FREM1: variants seen among roughly 807,000 people sequenced by gnomAD.
FREM1 encodes FRAS1-related extracellular matrix protein 1.
In FREM1, 220 loss-of-function variants were observed where a neutral mutation model predicts 210.1. The ratio of observed to expected loss-of-function variants is 1.05; its 90% CI spans 0.94 to 1.17. The LOEUF is 1.17. Among genes scored for constraint, FREM1 ranks in the 50% most tolerant of loss-of-function variants. The pLI, the probability that FREM1 is intolerant of heterozygous loss-of-function variation, is 0.00. For synonymous variants in FREM1, 1,189 were observed against 980.2 expected (o/e 1.21, Z -3.98); for missense variants, 3,454 against 2,675.5 (o/e 1.29, Z -6.42).
intron 27 of FREM1, among the ~76,000 whole-genome samples, chr9:14,765,480 T>A (rs1488401451): frequency 6.6e-6 from 1 of 152,208 alleles, no homozygotes; most frequent in Non-Finnish European, 1.5e-5. Flanking sequence ...AATTAGTTAG[T>A]ATGTATAAAG....
intron 22 of FREM1, among the ~76,000 whole-genome samples, chr9:14,789,923 C>A (rs984345037): frequency 1.3e-5 from 2 of 152,124 alleles, no homozygotes; most frequent in Admixed American, 6.6e-5. Context: ...AGGTACATAG[C>A]TTTCCCTAGG....
intron 1 of FREM1, among the ~76,000 whole-genome samples, chr9:14,883,130 G>T (rs1835115463): frequency 6.6e-6 from 1 of 151,940 alleles, no homozygotes; most frequent in Non-Finnish European, 1.5e-5. Context: ...GCAAAATTAG[G>T]TTCAATAAAT....
rs1389288517 is a variant in FREM1, at chr9:14,813,080, A to AATGC, written c.2641-20_2641-17dup. ...CAGGGAATACCTAGGCAATGGAAAA[A>AATGC]ATGCATGTTTTCAGAAAAAGAAAGA... On this transcript the variant is annotated splice_polypyrimidine_tract_variant and intron_variant, in intron 15 of 36. Transcript: ENST00000380880. The AATGC allele has an allele frequency of 6.3e-7, 1 of 1,586,114 alleles. No individual in the cohort carries two copies. Among genetic ancestry groups the AATGC allele is most frequent in the Non-Finnish European group, 8.6e-7 (1 of 1,162,432 alleles).
chr9:14,850,673 A>C (rs578090430), intron 6 of FREM1: 21 of 152,396 alleles, frequency 1.4e-4, no homozygotes, highest in African/African-American at 5.1e-4. Context: ...GGACATGTTT[A>C]CCTATGTAAC....
chr9:14,850,643 T>G (rs1263419683), intron 6 of FREM1: 1 of 152,180 alleles, frequency 6.6e-6, no homozygotes, highest in Non-Finnish European at 1.5e-5. Flanking sequence ...GATGGGTTGA[T>G]AGGTACAGCA....
At chr9:14,803,069 C>A (rs577820302) in intron 19 of FREM1, among the ~76,000 whole-genome samples, 120 of 126,698 alleles carry the variant, frequency 9.5e-4, no homozygotes, top group Admixed American at 4.9e-3. Context: ...TCTTTTCTTT[C>A]TTTCTCTTTC....
chr9:14,758,003 C>A (rs889798575), intron 28 of FREM1, among the ~76,000 whole-genome samples: 22 of 152,136 alleles, frequency 1.4e-4, no homozygotes, highest in Non-Finnish European at 2.8e-4. Context: ...TATTTACTAC[C>A]ACTGAGTTTA....
At chr9:14,850,664 G>C (rs754111224) in intron 6 of FREM1, 1 of 152,204 alleles carries the variant, frequency 6.6e-6, no homozygotes, top group Non-Finnish European at 1.5e-5. Context: ...AACCACCATG[G>C]ACATGTTTAC....
intron 35 of FREM1, among the ~76,000 whole-genome samples, chr9:14,745,423 C>T (rs999867429): frequency 6.6e-6 from 1 of 152,116 alleles, no homozygotes; most frequent in African/African-American, 2.4e-5. Context: ...ACCAACTGGA[C>T]ATCTACTCTT....
Position 14,863,715 on chromosome 9 carries a change from C to G in FREM1, c.329+94G>C, listed in dbSNP as rs1830994336. 20 of 699,490 alleles carry G rather than the reference C, an allele frequency of 2.9e-5. 1 individual carries two copies. The South Asian group carries it at 3.7e-4, about 13-fold the overall frequency. The allele number at this position is 699,490 out of a possible 1,614,324, so 43.3% of individuals were successfully genotyped here. Reference sequence around the variant, plus strand: ...CTTTCTTGTCTGGAATCTATTAACTCCCCTCATGACAATACATATCCACAA... The same window carrying G: ...CTTTCTTGTCTGGAATCTATTAACTGCCCTCATGACAATACATATCCACAA... On this transcript the variant is annotated intron_variant, in intron 3 of 36. Coordinates refer to ENST00000380880, the MANE Select transcript of FREM1 (RefSeq NM_001379081.2).
At chr9:14,892,592 TAATCTGCCTTGC>T (rs1837032157) in intron 1 of FREM1, among the ~76,000 whole-genome samples, 1 of 152,148 alleles carries the variant, frequency 6.6e-6, no homozygotes, top group African/African-American at 2.4e-5. Flanking sequence ...TTCTTTGGGT[TAATCTGCCTTGC>T]ACTCTTTGCT....
chr9:14,830,214 C>T lies in FREM1; in HGVS notation c.1882-5222G>A, dbSNP rs1236536139. On this transcript the variant is annotated intron_variant, in intron 10 of 36. Transcript: ENST00000380880. ...TAAGAACCCATTCCCACAAGAAAGT[C>T]AGATACCAGCTGGTGGAGTATTATA... 2.0e-5 allele frequency among the ~76,000 whole-genome samples: 3 copies of T among 152,148 alleles called. No homozygotes were observed. The South Asian group carries it at 6.2e-4, about 32-fold the overall frequency.
chr9:14,838,283 G>A (rs1824993019), intron 10 of FREM1, among the ~76,000 whole-genome samples: 1 of 152,140 alleles, frequency 6.6e-6, no homozygotes, highest in Admixed American at 6.5e-5. Flanking sequence ...CTACCATCAA[G>A]TAATCATTTT....
intron 22 of FREM1, among the ~76,000 whole-genome samples, chr9:14,790,352 T>C (rs938791557): frequency 6.6e-6 from 1 of 152,198 alleles, no homozygotes; most frequent in Non-Finnish European, 1.5e-5. Flanking sequence ...TGTAGACTTA[T>C]GTTCTGCCCT....
intron 20 of FREM1, 111 bp from the exon 21 acceptor site, chr9:14,797,753 T>C: frequency 1.1e-6 from 1 of 878,766 alleles, no homozygotes; most frequent in Non-Finnish European, 1.8e-6. Flanking sequence ...AGAGTTCATT[T>C]ATCAGTGCAG....
intron 16 of FREM1, among the ~76,000 whole-genome samples, chr9:14,809,086 G>A (rs1818915282): frequency 6.6e-6 from 1 of 152,152 alleles, no homozygotes; most frequent in African/African-American, 2.4e-5. Flanking sequence ...TATGGGGGCA[G>A]GTCTTTCCTG....
At position 14,851,697 on chromosome 9, in the gene FREM1, A is replaced by G. The variant is rs1827789712; in HGVS notation, c.829-90T>C. 11 of 1,089,286 alleles carry G rather than the reference A, an allele frequency of 1.0e-5. No homozygotes were observed. The South Asian group carries it at 1.1e-4, about 11-fold the overall frequency. The allele number at this position is 1,089,286 out of a possible 1,614,324, so 67.5% of individuals were successfully genotyped here. ...TAATAGCATAATATTTAATACAGCC[A>G]CAGCCTAGCGTCTAGCAGTGACCTG... On this transcript the variant is annotated intron_variant, in intron 5 of 36. Transcript: ENST00000380880.
At chr9:14,777,974 A>C (rs943261623) in intron 24 of FREM1, among the ~76,000 whole-genome samples, 28 of 152,336 alleles carry the variant, frequency 1.8e-4, no homozygotes, top group African/African-American at 6.7e-4. Context: ...GTTGACAAGG[A>C]AAATATATCT....
At chr9:14,785,701 T>G (rs1338997951) in intron 23 of FREM1, among the ~76,000 whole-genome samples, 9 of 152,186 alleles carry the variant, frequency 5.9e-5, no homozygotes, top group Admixed American at 5.9e-4. Flanking sequence ...AGATATCCAC[T>G]TACATGAAGT....
Sources: allele counts gnomAD v4.1 joint callset (sites outside exome capture counted in the v4.1 genomes callset), GRCh38; gene constraint gnomAD v4.1.1; transcripts MANE v1.5; gene names NCBI Gene and HGNC (gene_info 2026-07-23, HGNC 2026-07-21).